Variants in CNTNAP2 observed in about 807,000 individuals in gnomAD.
CNTNAP2 encodes contactin-associated protein-like 2.
CNTNAP2 carries 98 observed loss-of-function variants against 155.2 expected under a neutral mutation model. That is an observed-to-expected ratio of 0.63 (90% CI 0.54 to 0.75). The LOEUF is 0.75. CNTNAP2 is among the 30% of genes least tolerant of loss of function. The pLI is 0.00. For missense variants in CNTNAP2, 1,727 were observed against 1,688.1 expected, an observed-to-expected ratio of 1.02 and a Z score of -0.40; for synonymous variants, 651 against 631.2, an observed-to-expected ratio of 1.03 and a Z score of -0.47.
chr7:147,901,546 G>C (rs1799867522), intron 13 of CNTNAP2, among the ~76,000 whole-genome samples: 1 of 152,106 alleles, frequency 6.6e-6, no homozygotes, highest in Non-Finnish European at 1.5e-5. Context: ...TATGAATATA[G>C]TCCTATACAT....
At chr7:148,351,181 GTGGATGA>G (rs1798418179) in intron 21 of CNTNAP2, among the ~76,000 whole-genome samples, 1 of 152,152 alleles carries the variant, frequency 6.6e-6, no homozygotes, top group South Asian at 2.1e-4. Flanking sequence ...TTTGGCCTCT[GTGGATGA>G]TGGATGGTGG....
intron 8 of CNTNAP2, among the ~76,000 whole-genome samples, chr7:147,150,071 C>T (rs538567532): frequency 1.3e-5 from 2 of 152,260 alleles, no homozygotes; most frequent in East Asian, 3.9e-4. Flanking sequence ...GGACGTGTCA[C>T]GTTTTAGATG....
At chr7:148,139,072 G>T (rs1168217863) in intron 16 of CNTNAP2, among the ~76,000 whole-genome samples, 3 of 152,106 alleles carry the variant, frequency 2.0e-5, no homozygotes, top group Admixed American at 6.6e-5. Flanking sequence ...ATAATAAAAA[G>T]CTTAAAGGCC....
chr7:147,732,243 T>C (rs1304787917), intron 13 of CNTNAP2, among the ~76,000 whole-genome samples: 4 of 130,568 alleles, frequency 3.1e-5, no homozygotes, highest in Admixed American at 1.9e-4. Context: ...TGTGTCCAAG[T>C]GTTCTCATTG....
chr7:148,285,465 G>A (rs1797062742), intron 21 of CNTNAP2, among the ~76,000 whole-genome samples: 1 of 152,170 alleles, frequency 6.6e-6, no homozygotes, highest in African/African-American at 2.4e-5. Context: ...TTTTATCACG[G>A]GTGCCAGATT....
chr7:148,218,458 C>G (rs2116759077), intron 19 of CNTNAP2, among the ~76,000 whole-genome samples: 1 of 152,264 alleles, frequency 6.6e-6, no homozygotes, highest in South Asian at 2.1e-4. Flanking sequence ...GTAGCAGGAT[C>G]ACAGCTCACT....
chr7:147,017,218 C>T (rs2061895784), intron 3 of CNTNAP2, among the ~76,000 whole-genome samples: 1 of 151,884 alleles, frequency 6.6e-6, no homozygotes, highest in Admixed American at 6.6e-5. Context: ...CAGTTGTCTT[C>T]CTTCCCAACA....
intron 1 of CNTNAP2, among the ~76,000 whole-genome samples, chr7:146,240,324 C>T (rs548504323): frequency 6.6e-6 from 1 of 152,072 alleles, no homozygotes; most frequent in East Asian, 1.9e-4. Context: ...TACCTTAAGC[C>T]TTTGCAGAAA....
At chr7:146,251,498 A>T (rs1376810273) in intron 1 of CNTNAP2, among the ~76,000 whole-genome samples, 1 of 152,210 alleles carries the variant, frequency 6.6e-6, no homozygotes, top group African/African-American at 2.4e-5. Flanking sequence ...GAAGAATTAT[A>T]AAAAAGTTAA....
intron 13 of CNTNAP2, among the ~76,000 whole-genome samples, chr7:147,709,731 T>G (rs758259): frequency 0.016 from 2,497 of 152,246 alleles, 220 homozygotes; most frequent in Admixed American, 0.15. Context: ...GAGAACTCTT[T>G]CTACTTGATG....
At chr7:146,480,237 G>A (rs1348085824) in intron 1 of CNTNAP2, among the ~76,000 whole-genome samples, 1 of 152,032 alleles carries the variant, frequency 6.6e-6, no homozygotes, top group Admixed American at 6.6e-5. Flanking sequence ...AAGTCCAAAA[G>A]GGTAAATTTC....
Position 147,540,352 on chromosome 7 carries a change from A to G in CNTNAP2, c.1778-21786A>G, listed in dbSNP as rs978870517. On this transcript the variant is annotated intron_variant, in intron 11 of 23. Transcript: ENST00000361727. ...TGTCTGCCTCCACTTCATTTTTCAG[A>G]ATGCAGCTTAATACCTCCAAAGAAA... Among the ~76,000 whole-genome samples the G allele has an allele frequency of 5.3e-5, 8 of 152,192 alleles. No homozygotes were observed. The South Asian group carries it at 1.7e-3, about 32-fold the overall frequency.
At chr7:148,045,154 C>T (rs540313170) in intron 15 of CNTNAP2, among the ~76,000 whole-genome samples, 1 of 152,246 alleles carries the variant, frequency 6.6e-6, no homozygotes, top group East Asian at 1.9e-4. Flanking sequence ...AGATCCAGAG[C>T]AGAGAGGGCA....
At chr7:146,872,954 G>T (rs957383963) in intron 3 of CNTNAP2, among the ~76,000 whole-genome samples, 4 of 152,100 alleles carry the variant, frequency 2.6e-5, no homozygotes, top group Admixed American at 2.0e-4. Flanking sequence ...TCCCAACATA[G>T]CACCTGCATT....
intron 1 of CNTNAP2, among the ~76,000 whole-genome samples, chr7:146,307,968 T>C (rs1450625579): frequency 4.6e-5 from 7 of 152,090 alleles, no homozygotes; most frequent in African/African-American, 1.2e-4. Context: ...AAAGTCAACA[T>C]TGACAAATGG....
chr7:147,292,864 A>AG (rs1465635480), intron 8 of CNTNAP2, among the ~76,000 whole-genome samples: 2 of 152,114 alleles, frequency 1.3e-5, no homozygotes, highest in African/African-American at 4.8e-5. Context: ...CTGCCTCCCT[A>AG]GTTCAGGTGA....
At chr7:146,334,043 A>G (rs1191806928) in intron 1 of CNTNAP2, among the ~76,000 whole-genome samples, 1 of 152,200 alleles carries the variant, frequency 6.6e-6, no homozygotes, top group Non-Finnish European at 1.5e-5. Context: ...CCACCATAGC[A>G]GAAGAAGCCC....
chr7:146,556,755 AG>A (rs1186041832), intron 1 of CNTNAP2, among the ~76,000 whole-genome samples: 1 of 152,180 alleles, frequency 6.6e-6, no homozygotes, highest in Non-Finnish European at 1.5e-5. Flanking sequence ...TAATATTTAC[AG>A]GGGCAGAGAG....
chr7:147,329,930 C>T (rs139605047), intron 9 of CNTNAP2, among the ~76,000 whole-genome samples: 1 of 152,256 alleles, frequency 6.6e-6, no homozygotes, highest in East Asian at 1.9e-4. Context: ...ATCAGTGATT[C>T]TTCTGGCATA....
Sources: allele counts gnomAD v4.1 joint callset (sites outside exome capture counted in the v4.1 genomes callset), GRCh38; gene constraint gnomAD v4.1.1; transcripts MANE v1.5; gene names NCBI Gene and HGNC (gene_info 2026-07-23, HGNC 2026-07-21).